SLIT2: variants seen among roughly 807,000 people sequenced by gnomAD.
The protein encoded by SLIT2 is slit homolog 2 protein.
In SLIT2, 41 loss-of-function variants were observed where a neutral mutation model predicts 185.7. That is an observed-to-expected ratio of 0.22 (90% confidence interval 0.17 to 0.29). The LOEUF is 0.29. SLIT2 is among the 10% of genes least tolerant of loss of function. The pLI is 1.00. For missense variants in SLIT2, 1,571 were observed against 1,909.0 expected (o/e 0.82, Z 3.30); for synonymous variants, 693 against 680.2 (o/e 1.02, Z -0.29).
intron 33 of SLIT2, among the ~76,000 whole-genome samples, chr4:20,607,795 C>T (rs1311869004): frequency 6.6e-6 from 1 of 152,004 alleles, no homozygotes; most frequent in Admixed American, 6.6e-5. Flanking sequence ...AAATGGGGGG[C>T]CTCATTATTA....
intron 25 of SLIT2, 117 bp from the exon 26 acceptor site, chr4:20,553,688 A>C: frequency 1.0e-6 from 1 of 963,096 alleles, no homozygotes; most frequent in African/African-American, 1.7e-5. Context: ...TCTGCTGAGC[A>C]TCACTTTGAA....
At chr4:20,314,261 GATA>G (rs1718384993) in intron 4 of SLIT2, among the ~76,000 whole-genome samples, 1 of 152,138 alleles carries the variant, frequency 6.6e-6, no homozygotes, top group Non-Finnish European at 1.5e-5. Context: ...AATGAAACGA[GATA>G]ATGTTAAGAT....
chr4:20,378,959 A>G (rs1724254323), intron 4 of SLIT2, among the ~76,000 whole-genome samples: 1 of 152,162 alleles, frequency 6.6e-6, no homozygotes, highest in Admixed American at 6.5e-5. Context: ...CCTTAAATGC[A>G]TATTAGTAAG....
At chr4:20,393,945 A>G (rs1441450042) in intron 4 of SLIT2, among the ~76,000 whole-genome samples, 1 of 152,074 alleles carries the variant, frequency 6.6e-6, no homozygotes, top group East Asian at 1.9e-4. Context: ...GTGCTGAATC[A>G]ATCACGTCCT....
intron 11 of SLIT2, among the ~76,000 whole-genome samples, chr4:20,518,229 A>ATGTGTG (rs1422869882): frequency 8.4e-6 from 1 of 118,462 alleles, no homozygotes; most frequent in South Asian, 2.7e-4. Flanking sequence ...ATACATATAT[A>ATGTGTG]TGTGTGTGTG....
At chr4:20,618,667 G>A in intron 36 of SLIT2, 101 bp from the exon 37 acceptor site, 1 of 1,239,174 alleles carries the variant, frequency 8.1e-7, no homozygotes, top group Non-Finnish European at 1.1e-6. Flanking sequence ...AAGTTACAAA[G>A]GGGAAGCAAA....
At position 20,563,324 on chromosome 4, in the gene SLIT2, A is replaced by G. The variant is rs1724845125; in HGVS notation, c.2726-3938A>G. Among the ~76,000 whole-genome samples, 2 of 151,820 alleles carry G rather than the reference A, an allele frequency of 1.3e-5. 1 individual carries two copies. The highest frequency in any genetic ancestry group is 4.1e-4 in the South Asian group (2 of 4,826). ...CTACGTTTCCTTTCCCCTCCGTGGC[A>G]CACATCTCATGAAAGCTAATTTGTT... On this transcript the variant is annotated intron_variant, in intron 26 of 36. Coordinates refer to ENST00000504154, the MANE Select transcript of SLIT2 (RefSeq NM_004787.4).
intron 4 of SLIT2, among the ~76,000 whole-genome samples, chr4:20,444,178 C>T (rs111587536): frequency 6.6e-6 from 1 of 152,162 alleles, no homozygotes; most frequent in African/African-American, 2.4e-5. Context: ...ACTTAACTTT[C>T]CTAGACTCGA....
chr4:20,329,206 A>T (rs968429727), intron 4 of SLIT2, among the ~76,000 whole-genome samples: 3 of 152,068 alleles, frequency 2.0e-5, no homozygotes, highest in South Asian at 2.1e-4. Flanking sequence ...GAACAATATT[A>T]GGGAAGGAAA....
intron 30 of SLIT2, among the ~76,000 whole-genome samples, chr4:20,591,727 C>A (rs1727533266): frequency 6.6e-6 from 1 of 151,676 alleles, no homozygotes; most frequent in Non-Finnish European, 1.5e-5. Context: ...TAATAAATAT[C>A]ATTTCTTAGA....
intron 29 of SLIT2, among the ~76,000 whole-genome samples, chr4:20,576,171 T>C (rs1430569118): frequency 6.6e-6 from 1 of 152,162 alleles, no homozygotes; most frequent in Non-Finnish European, 1.5e-5. Context: ...AGTGACATGG[T>C]TCAGATATAT....
At position 20,472,303 on chromosome 4, in the gene SLIT2, G is replaced by GATCTAT. The variant is rs1715236269; in HGVS notation, c.467+4483_467+4488dup. ...ATATATATAGATATATAGATATATA[G>GATCTAT]ATCTATATATAGATATATATATCTA... On this transcript the variant is annotated intron_variant, in intron 5 of 36. Coordinates refer to ENST00000504154, the MANE Select transcript of SLIT2 (RefSeq NM_004787.4). 9.7e-5 allele frequency among the ~76,000 whole-genome samples: 3 copies of GATCTAT among 30,984 alleles called. 1 individual carries two copies. Among genetic ancestry groups the GATCTAT allele is most frequent in the Non-Finnish European group, 1.5e-4 (3 of 20,404 alleles). 20.3% of individuals were successfully genotyped at this position (30,984 alleles called of 152,430 possible).
At chr4:20,393,346 C>G (rs1040852937) in intron 4 of SLIT2, 2 of 152,040 alleles carry the variant, frequency 1.3e-5, no homozygotes, top group African/African-American at 4.8e-5. Flanking sequence ...CCCATTCCCC[C>G]CAGAATCCTG....
At chr4:20,291,533 C>A (rs1320208804) in intron 4 of SLIT2, among the ~76,000 whole-genome samples, 1 of 107,084 alleles carries the variant, frequency 9.3e-6, no homozygotes, top group Non-Finnish European at 1.8e-5. Context: ...TACAGCAATG[C>A]TATGTGTAAT....
intron 4 of SLIT2, among the ~76,000 whole-genome samples, chr4:20,326,992 T>G (rs984642012): frequency 3.3e-5 from 5 of 151,948 alleles, no homozygotes; most frequent in African/African-American, 1.2e-4. Context: ...AAAATTTAAA[T>G]TTCATCTTAA....
rs183718893 is a variant in SLIT2, at chr4:20,372,316, T to G, written c.396-95436T>G. On this transcript the variant is annotated intron_variant, in intron 4 of 36. Coordinates refer to ENST00000504154, the MANE Select transcript of SLIT2 (RefSeq NM_004787.4). ...GGCTTCAAAACTAGTTTTGTCTGCT[T>G]TGTGAGCCTGTGATCTCTAGAGGCG... 5.5e-3 allele frequency among the ~76,000 whole-genome samples: 841 copies of G among 152,136 alleles called. 26 individuals are homozygous for G. Among genetic ancestry groups the G allele is most frequent in the Non-Finnish European group, 2.6e-3 (180 of 67,978 alleles).
intron 5 of SLIT2, among the ~76,000 whole-genome samples, chr4:20,477,944 A>G (rs1200725157): frequency 6.6e-6 from 1 of 152,216 alleles, no homozygotes; most frequent in African/African-American, 2.4e-5. Context: ...CAGAAGCCAG[A>G]AGTACCCAGG....
chr4:20,595,998 A>T (rs910539616), intron 31 of SLIT2, among the ~76,000 whole-genome samples, 164 bp downstream of exon 31: 10 of 152,358 alleles, frequency 6.6e-5, no homozygotes, highest in Middle Eastern at 3.4e-3. Flanking sequence ...TACCCCATTT[A>T]ACATGATGTG....
chr4:20,616,676 A>C (rs1729678713), intron 34 of SLIT2: 1 of 426,192 alleles, frequency 2.3e-6, no homozygotes, highest in Non-Finnish European at 4.2e-6. Flanking sequence ...ACCACCAATC[A>C]ACTAGGTATT....
Sources: gnomAD v4.1 joint callset for allele counts (sites outside exome capture counted in the v4.1 genomes callset) on GRCh38, gnomAD v4.1.1 for gene constraint, MANE v1.5 for transcripts, NCBI Gene and HGNC (gene_info 2026-07-23, HGNC 2026-07-21) for gene names.